The following SLC25A20 variants were observed in gnomAD, a reference collection of about 807,000 sequenced individuals.
The protein encoded by SLC25A20 is solute carrier family 25 member 20.
In SLC25A20, 29 loss-of-function variants were observed where a neutral mutation model predicts 39.7. That is an observed-to-expected ratio of 0.73 (90% CI 0.54 to 1.00). The LOEUF is 1.00. SLC25A20 is among the 50% of genes least tolerant of loss of function. The pLI is 0.00. For synonymous variants in SLC25A20, 103 were observed against 142.2 expected (o/e 0.72, Z 1.96); for missense variants, 333 against 379.9 (o/e 0.88, Z 1.03).
chr3:48,864,347 CAAAAAAAAAAAAA>C lies in SLC25A20; in HGVS notation c.418-1701_418-1689del, dbSNP rs55843120. 3.1e-4 allele frequency among the ~76,000 whole-genome samples: 15 copies of C among 48,064 alleles called. No individual in the cohort carries two copies. In the South Asian group the frequency reaches 6.1e-3, roughly 19 times the overall value. The allele number at this position is 48,064 out of a possible 152,430, so 31.5% of individuals were successfully genotyped here. On this transcript the variant is annotated intron_variant, in intron 4 of 8. Coordinates refer to ENST00000319017, the MANE Select transcript of SLC25A20 (RefSeq NM_000387.6). The stretch of plus-strand genomic sequence containing the variant: ...TGGGTGACAGAGTAAGACTCTGTCT[CAAAAAAAAAAAAA>C]AAAAAAAAAAAAAAAAGCAACAAAT...
At chr3:48,894,596 A>T (rs2083899797) in intron 1 of SLC25A20, among the ~76,000 whole-genome samples, 1 of 151,446 alleles carries the variant, frequency 6.6e-6, no homozygotes, top group Admixed American at 6.6e-5. Flanking sequence ...TTGTTGTTTT[A>T]AGCCATTAAG....
chr3:48,878,934 C>T (rs1253166915), intron 4 of SLC25A20, among the ~76,000 whole-genome samples: 1 of 151,846 alleles, frequency 6.6e-6, no homozygotes, highest in East Asian at 1.9e-4. Context: ...AGTGCAGTGG[C>T]GTGACACAGC....
intron 4 of SLC25A20, among the ~76,000 whole-genome samples, chr3:48,866,827 C>T (rs1316462776): frequency 1.3e-5 from 2 of 151,864 alleles, no homozygotes; most frequent in Non-Finnish European, 2.9e-5. Context: ...GAGTTGTAAT[C>T]TTCTAGCCCA....
intron 1 of SLC25A20, among the ~76,000 whole-genome samples, chr3:48,892,412 T>C (rs2083883941): frequency 6.6e-6 from 1 of 152,206 alleles, no homozygotes; most frequent in African/African-American, 2.4e-5. Context: ...ATGTTTTCAG[T>C]TCTCTTCGGT....
intron 1 of SLC25A20, among the ~76,000 whole-genome samples, chr3:48,893,246 C>CT (rs899184488): frequency 1.2e-4 from 18 of 149,428 alleles, no homozygotes; most frequent in African/African-American, 3.7e-4. Flanking sequence ...CTATATCTAA[C>CT]TTTTTTTTTT....
In SLC25A20 at chr3:48,859,283, C is replaced by A. The variant is rs563272819; in HGVS notation, c.609-82G>T. Reference sequence around the variant, plus strand: ...ACTATCCTGCCTGTGGCAGACAGGGCAGTTACAGACAGGCAGAAACTGGTT... The same window carrying A: ...ACTATCCTGCCTGTGGCAGACAGGGAAGTTACAGACAGGCAGAAACTGGTT... On this transcript the variant is annotated intron_variant, in intron 6 of 8. Transcript: ENST00000319017. 9 of 1,273,882 alleles carry A rather than the reference C, an allele frequency of 7.1e-6. No individual in the cohort carries two copies. The Admixed American group carries it at 9.1e-5, about 13-fold the overall frequency. The allele number at this position is 1,273,882 out of a possible 1,614,324, so 78.9% of individuals were successfully genotyped here.
intron 4 of SLC25A20, among the ~76,000 whole-genome samples, chr3:48,873,873 G>C (rs1183351172): frequency 4.6e-5 from 7 of 151,336 alleles, no homozygotes; most frequent in Admixed American, 4.0e-4. Flanking sequence ...GGAGGCTGAG[G>C]CAGGAGAATG....
intron 4 of SLC25A20, among the ~76,000 whole-genome samples, chr3:48,869,537 T>A (rs1016694349): frequency 6.6e-6 from 1 of 152,104 alleles, no homozygotes; most frequent in Non-Finnish European, 1.5e-5. Context: ...ACCTTTTTTT[T>A]AAATAGGCCA....
intron 4 of SLC25A20, among the ~76,000 whole-genome samples, chr3:48,875,375 C>T (rs1443910018): frequency 6.6e-6 from 1 of 152,078 alleles, no homozygotes; most frequent in African/African-American, 2.4e-5. Context: ...GCTGGGATTA[C>T]TGGCGTGAGC....
At chr3:48,895,977 T>C (rs542440433) in intron 1 of SLC25A20, among the ~76,000 whole-genome samples, 1 of 151,748 alleles carries the variant, frequency 6.6e-6, no homozygotes, top group East Asian at 2.0e-4. Flanking sequence ...CCATCTCTAC[T>C]AAAAATACAA....
intron 2 of SLC25A20, among the ~76,000 whole-genome samples, chr3:48,885,457 G>A (rs1211531729): frequency 1.3e-5 from 2 of 152,072 alleles, no homozygotes; most frequent in African/African-American, 4.8e-5. Context: ...CAGTGGACCT[G>A]GGAAGCAGTC....
chr3:48,861,400 A>G lies in SLC25A20; in HGVS notation c.535+1142T>C, dbSNP rs529463197. Reference sequence around the variant, plus strand: ...GCTGCTCTGGGCCAAGCACTGGTGTAAGTGAGTACAAACACACATGATATA... The same window carrying G: ...GCTGCTCTGGGCCAAGCACTGGTGTGAGTGAGTACAAACACACATGATATA... On this transcript the variant is annotated intron_variant, in intron 5 of 8. Transcript: ENST00000319017. Among the ~76,000 whole-genome samples, 3 of 151,212 alleles carry G rather than the reference A, an allele frequency of 2.0e-5. No homozygotes were observed. The South Asian group carries it at 6.2e-4, about 31-fold the overall frequency.
chr3:48,866,849 A>G (rs946236765), intron 4 of SLC25A20, among the ~76,000 whole-genome samples: 3 of 151,904 alleles, frequency 2.0e-5, no homozygotes, highest in African/African-American at 7.3e-5. Context: ...ACTGGAGTGC[A>G]ATGGCGCGAT....
intron 2 of SLC25A20, among the ~76,000 whole-genome samples, chr3:48,887,166 T>C (rs962528240): frequency 1.3e-5 from 2 of 152,184 alleles, no homozygotes; most frequent in African/African-American, 4.8e-5. Context: ...CACAGCTCCC[T>C]ACATGAGCTA....
chr3:48,858,456 G>A, intron 8 of SLC25A20, 51 bp downstream of exon 8: 1 of 1,613,068 alleles, frequency 6.2e-7, no homozygotes, highest in Non-Finnish European at 8.5e-7. Flanking sequence ...CAAACCACAT[G>A]CACCCTGCCC....
chr3:48,879,159 T>C (rs1575987433), intron 4 of SLC25A20, among the ~76,000 whole-genome samples, 199 bp downstream of exon 4: 3 of 152,034 alleles, frequency 2.0e-5, no homozygotes, highest in African/African-American at 7.2e-5. Context: ...CGTAAACCAC[T>C]GCACCTGGCC....
chr3:48,876,973 G>A (rs575614493), intron 4 of SLC25A20, among the ~76,000 whole-genome samples: 10 of 151,898 alleles, frequency 6.6e-5, no homozygotes, highest in Non-Finnish European at 1.5e-4. Flanking sequence ...GTGGGCGCCT[G>A]TAGTCCCACC....
chr3:48,883,992 C>T lies in SLC25A20; in HGVS notation c.326+5G>A. 3.1e-6 allele frequency: 5 copies of T among 1,613,198 alleles called. No homozygotes were observed. Among genetic ancestry groups the T allele is most frequent in the Non-Finnish European group, 4.2e-6 (5 of 1,179,446 alleles). ...AGCAAGTGCTCCTGACCTGTAAGTA[C>T]TCACCTGAGCACATCTTCTGGGTGT... On this transcript the variant is annotated splice_donor_5th_base_variant and intron_variant, in intron 3 of 8. Transcript: ENST00000319017.
chr3:48,883,806 T>G (rs2106658242), intron 3 of SLC25A20, among the ~76,000 whole-genome samples, 191 bp downstream of exon 3: 1 of 152,048 alleles, frequency 6.6e-6, no homozygotes, highest in African/African-American at 2.4e-5. Context: ...GTATTTTTAG[T>G]AGAGACAGGG....
Sources: gnomAD v4.1 joint callset for allele counts (sites outside exome capture counted in the v4.1 genomes callset) on GRCh38, gnomAD v4.1.1 for gene constraint, MANE v1.5 for transcripts, NCBI Gene and HGNC (gene_info 2026-07-23, HGNC 2026-07-21) for gene names.